Variants in CIMAP1D observed in about 807,000 individuals in gnomAD.
CIMAP1D encodes the protein CIMAP1 family member D.
the CIMAP1D span, chr19:472,366 C>G: frequency 4.5e-6 from 6 of 1,331,626 alleles, no homozygotes; most frequent in Non-Finnish European, 3.0e-6. Context: ...ATCAGGGAAG[C>G]CTCCAGCCGC....
At chr19:483,636 G>A in the CIMAP1D span, among the ~76,000 whole-genome samples, 1 of 152,202 alleles carries the variant, frequency 6.6e-6, no homozygotes, top group African/African-American at 2.4e-5. Context: ...GTGGGGGCAG[G>A]GATGCCGCTA....
the CIMAP1D span, among the ~76,000 whole-genome samples, chr19:471,759 T>C: frequency 6.6e-6 from 1 of 150,918 alleles, no homozygotes; most frequent in Admixed American, 6.6e-5. Flanking sequence ...TTTTTCTTTT[T>C]AGAGACAGAG....
At chr19:486,030 A>G in the CIMAP1D span, among the ~76,000 whole-genome samples, 2 of 152,220 alleles carry the variant, frequency 1.3e-5, no homozygotes, top group African/African-American at 4.8e-5. Context: ...AAGGACACAG[A>G]GAACCTGCCA....
the CIMAP1D span, among the ~76,000 whole-genome samples, chr19:476,271 C>T: frequency 0.86 from 130,197 of 151,930 alleles, 56,044 homozygotes; most frequent in African/African-American, 0.96. Context: ...GCCAGGATGG[C>T]CTCAATCTCT....
the CIMAP1D span, chr19:464,313 G>T: frequency 6.5e-7 from 1 of 1,540,426 alleles, no homozygotes; most frequent in South Asian, 1.2e-5. Context: ...ATGGCGCACA[G>T]GGGGCACCTT....
At chr19:484,614 A>C in the CIMAP1D span, among the ~76,000 whole-genome samples, 1 of 152,228 alleles carries the variant, frequency 6.6e-6, no homozygotes, top group Non-Finnish European at 1.5e-5. Flanking sequence ...AGGACCTCTA[A>C]GGGATGCCCA....
chr19:478,577 G>A, the CIMAP1D span, among the ~76,000 whole-genome samples: 3 of 152,388 alleles, frequency 2.0e-5, no homozygotes, highest in Admixed American at 6.5e-5. Context: ...TCTGTCTTCA[G>A]CTCAGAGCTT....
the CIMAP1D span, among the ~76,000 whole-genome samples, chr19:478,060 T>C: frequency 0.16 from 24,189 of 152,234 alleles, 3,908 homozygotes; most frequent in African/African-American, 0.41. Flanking sequence ...GCCCTGTCAC[T>C]GCCCAACCTT....
chr19:487,961 T>C, the CIMAP1D span, among the ~76,000 whole-genome samples: 9,470 of 152,202 alleles, frequency 0.062, 600 homozygotes, highest in East Asian at 0.22. Flanking sequence ...TGAAAACCCT[T>C]GTCCTGTTCT....
At chr19:485,519 G>A in the CIMAP1D span, among the ~76,000 whole-genome samples, 2 of 152,324 alleles carry the variant, frequency 1.3e-5, no homozygotes, top group Admixed American at 1.3e-4. Context: ...CACCATCCAG[G>A]CTGGCGCGAT....
chr19:481,386 G>A, the CIMAP1D span, among the ~76,000 whole-genome samples: 2 of 122,428 alleles, frequency 1.6e-5, no homozygotes, highest in Non-Finnish European at 3.2e-5. Flanking sequence ...GAAGGAATGT[G>A]GGAAGGATGA....
At chr19:480,314 G>C in the CIMAP1D span, among the ~76,000 whole-genome samples, 1 of 152,240 alleles carries the variant, frequency 6.6e-6, no homozygotes, top group African/African-American at 2.4e-5. Context: ...CACGGGTGAC[G>C]TGTGAGCAGG....
chr19:477,955 G>A, the CIMAP1D span, among the ~76,000 whole-genome samples: 10 of 152,234 alleles, frequency 6.6e-5, no homozygotes, highest in Non-Finnish European at 1.2e-4. Context: ...TCTCCACCTC[G>A]GCCTCTGCCT....
At chr19:488,296 G>A in the CIMAP1D span, among the ~76,000 whole-genome samples, 1 of 152,160 alleles carries the variant, frequency 6.6e-6, no homozygotes, top group Non-Finnish European at 1.5e-5. Flanking sequence ...GCTGAGGCGG[G>A]CAGATCACGA....
the CIMAP1D span, among the ~76,000 whole-genome samples, chr19:471,683 G>T: frequency 1.4e-3 from 211 of 151,620 alleles, 1 homozygote; most frequent in Admixed American, 2.5e-3. Flanking sequence ...CAACAGGCCT[G>T]TATGGAGTCT....
At chr19:479,036 C>T in the CIMAP1D span, among the ~76,000 whole-genome samples, 47 of 152,130 alleles carry the variant, frequency 3.1e-4, no homozygotes, top group Non-Finnish European at 6.0e-4. Flanking sequence ...GAAACGTGGG[C>T]GAAGGGGGTG....
chr19:463,840 T>C, the CIMAP1D span: 2 of 1,605,784 alleles, frequency 1.2e-6, no homozygotes. Flanking sequence ...GAAACAGGCC[T>C]GGCCTAGCAG....
At chr19:467,892 A>G in the CIMAP1D span, 10 of 618,070 alleles carry the variant, frequency 1.6e-5, no homozygotes, top group Non-Finnish European at 2.6e-5. Flanking sequence ...CCCATCTCGG[A>G]GGGGTCACCC....
At chr19:481,077 G>GGATGATGGAGAAC in the CIMAP1D span, among the ~76,000 whole-genome samples, 3 of 125,976 alleles carry the variant, frequency 2.4e-5, no homozygotes, top group Admixed American at 8.1e-5. Flanking sequence ...ATGATGGGAA[G>GGATGATGGAGAAC]GATGATGGAG....
Sources: allele counts gnomAD v4.1 joint callset (sites outside exome capture counted in the v4.1 genomes callset), GRCh38; gene constraint gnomAD v4.1.1; transcripts MANE v1.5; gene names NCBI Gene and HGNC (gene_info 2026-07-23, HGNC 2026-07-21).